KIFC3: variants seen among roughly 807,000 people sequenced by gnomAD.
KIFC3 encodes kinesin family member C3, also known as kinesin-like protein KIFC3.
KIFC3 carries 60 observed loss-of-function variants against 101.8 expected under a neutral mutation model. The ratio of observed to expected loss-of-function variants is 0.59; its 90% CI spans 0.48 to 0.73. The LOEUF (loss-of-function observed/expected upper bound fraction) is 0.73, where lower values mean the gene tolerates loss of function less well. Ranked by LOEUF, KIFC3 falls within the 30% of genes least tolerant of loss-of-function variation. KIFC3 has a pLI of 0.00. For synonymous variants in KIFC3, 476 were observed against 482.7 expected (o/e 0.99, Z 0.18); for missense variants, 966 against 1,137.1 (o/e 0.85, Z 2.16).
chr16:57,816,167 G>A (rs945535585), intron 1 of KIFC3: 3 of 1,247,052 alleles, frequency 2.4e-6, no homozygotes, highest in African/African-American at 3.1e-5. Flanking sequence ...GAAAGGGGAG[G>A]GTGCTCCCAC....
upstream of KIFC3, among the ~76,000 whole-genome samples, chr16:57,806,733 G>A (rs976478240): frequency 1.3e-5 from 2 of 152,212 alleles, no homozygotes; most frequent in African/African-American, 4.8e-5. Flanking sequence ...GGTCAGGAAG[G>A]AGTGCCCTGC....
chr16:57,847,251 GAAGGAAGGAAGGA>G lies in KIFC3; in HGVS notation c.108+15465_108+15477del, dbSNP rs1567339346. Among the ~76,000 whole-genome samples, 15 of 104,116 alleles carry G rather than the reference GAAGGAAGGAAGGA, an allele frequency of 1.4e-4. No homozygotes were observed. In the South Asian group the frequency reaches 4.7e-3, roughly 33 times the overall value. 68.3% of individuals were successfully genotyped at this position (104,116 alleles called of 152,430 possible). A position where few individuals can be genotyped will look rare whatever the true frequency, so the allele number is the denominator to read the frequency against. On this transcript the variant is annotated intron_variant, in intron 1 of 2. Coordinates refer to the KIFC3 transcript ENST00000563028. Reference sequence around the variant, plus strand: ...GGAAGGAAGGAAGGAAGGAAGGAAGGAAGGAAGGAAGGAAGGAAGGGAAGGGAGGGAGGGAGAG... The same window carrying G: ...GGAAGGAAGGAAGGAAGGAAGGAAGGAGGAAGGGAAGGGAGGGAGGGAGAG...
At chr16:57,853,161 G>A (rs1421411274) in intron 1 of KIFC3, among the ~76,000 whole-genome samples, 1 of 152,168 alleles carries the variant, frequency 6.6e-6, no homozygotes, top group Non-Finnish European at 1.5e-5. Context: ...GCTCACTCCT[G>A]TAATCCCAGC....
At chr16:57,803,455 G>A, upstream of KIFC3, 1 of 470,876 alleles carries the variant, frequency 2.1e-6, no homozygotes, top group South Asian at 1.6e-5. Flanking sequence ...CGGTTCTGCA[G>A]ATAATCCCAG....
chr16:57,787,164 G>A (rs2053423170), intron 3 of KIFC3, among the ~76,000 whole-genome samples: 1 of 152,266 alleles, frequency 6.6e-6, no homozygotes, highest in Non-Finnish European at 1.5e-5. Flanking sequence ...GTGGCCCTCA[G>A]CCCTTTGCAG....
At chr16:57,766,801 G>T in intron 10 of KIFC3, 73 bp downstream of exon 10, 1 of 972,350 alleles carries the variant, frequency 1.0e-6, no homozygotes, top group Non-Finnish European at 1.6e-6. Flanking sequence ...GGTGGGGTGA[G>T]CTCCAAGCAT....
At chr16:57,848,350 T>C (rs928297166) in intron 1 of KIFC3, among the ~76,000 whole-genome samples, 2 of 152,178 alleles carry the variant, frequency 1.3e-5, no homozygotes, top group Admixed American at 6.5e-5. Flanking sequence ...GATGCCAGCA[T>C]GGAGGCCCCG....
intron 1 of KIFC3, among the ~76,000 whole-genome samples, chr16:57,819,707 C>T (rs1406873945): frequency 6.6e-6 from 1 of 151,894 alleles, no homozygotes; most frequent in African/African-American, 2.4e-5. Flanking sequence ...ATTGCAGGCA[C>T]CTGCCACTGC....
chr16:57,760,226 G>T, intron 17 of KIFC3, 56 bp downstream of exon 17: 2 of 1,567,368 alleles, frequency 1.3e-6, no homozygotes, highest in South Asian at 2.3e-5. Context: ...CTCCTGCCAT[G>T]ACCCAAAGTC....
intron 1 of KIFC3, among the ~76,000 whole-genome samples, chr16:57,826,097 G>A (rs1350438809): frequency 6.6e-6 from 1 of 152,240 alleles, no homozygotes; most frequent in Non-Finnish European, 1.5e-5. Flanking sequence ...CCTCCTCTGA[G>A]GGAATCATTG....
In KIFC3 at chr16:57,764,267, GAGGCTGGT is replaced by G; in HGVS notation, c.1513-28_1513-21del. ...GAACACCTGGGAGGGTGGTGGGAGG[GAGGCTGGT>G]GGGGGGGCTTCCAGGGCCGCTGGGA... On this transcript the variant is annotated intron_variant, in intron 11 of 19. Transcript: ENST00000445690. 8 of 1,073,296 alleles carry G rather than the reference GAGGCTGGT, an allele frequency of 7.5e-6. No individual in the cohort carries two copies. Among genetic ancestry groups the G allele is most frequent in the Non-Finnish European group, 9.7e-6 (7 of 724,658 alleles). The allele number at this position is 1,073,296 out of a possible 1,614,324, so 66.5% of individuals were successfully genotyped here. A position where few individuals can be genotyped will look rare whatever the true frequency, so the allele number is the denominator to read the frequency against.
intron 1 of KIFC3, among the ~76,000 whole-genome samples, chr16:57,836,867 AT>A (rs1364744870): frequency 1.3e-5 from 2 of 151,898 alleles, no homozygotes; most frequent in East Asian, 1.9e-4. Flanking sequence ...AATTTTTAAA[AT>A]TTTTTTGTAG....
At chr16:57,820,414 A>G (rs568144075) in intron 1 of KIFC3, among the ~76,000 whole-genome samples, 2 of 152,112 alleles carry the variant, frequency 1.3e-5, no homozygotes, top group Non-Finnish European at 2.9e-5. Context: ...AGCTGGGGCT[A>G]TAGGTGCACG....
chr16:57,848,469 A>G (rs2055983675), intron 1 of KIFC3, among the ~76,000 whole-genome samples: 1 of 152,150 alleles, frequency 6.6e-6, no homozygotes, highest in African/African-American at 2.4e-5. Context: ...TCTACAAAAA[A>G]TTCTAAAAAT....
At chr16:57,774,742 G>T in intron 3 of KIFC3, 1 of 565,152 alleles carries the variant, frequency 1.8e-6, no homozygotes, top group Non-Finnish European at 2.8e-6. Flanking sequence ...GCCCAAGCTG[G>T]CCTTGAATTC....
chr16:57,785,604 T>TGGG, intron 3 of KIFC3: 1 of 1,281,516 alleles, frequency 7.8e-7, no homozygotes, highest in Non-Finnish European at 1.0e-6. Flanking sequence ...CTAAGCACCA[T>TGGG]GGGGGCCGCA....
At chr16:57,847,053 C>G (rs1235891448) in intron 1 of KIFC3, among the ~76,000 whole-genome samples, 1 of 151,620 alleles carries the variant, frequency 6.6e-6, no homozygotes, top group Non-Finnish European at 1.5e-5. Context: ...CGTGTGCTGG[C>G]GAACACCTGT....
chr16:57,760,203 G>T, intron 17 of KIFC3, 79 bp downstream of exon 17: 3 of 1,516,352 alleles, frequency 2.0e-6, no homozygotes, highest in Non-Finnish European at 2.7e-6. Flanking sequence ...GGACGTCCCC[G>T]CCCAGCTCCC....
At chr16:57,764,038 C>CA in intron 12 of KIFC3, 105 bp downstream of exon 12, 1 of 818,846 alleles carries the variant, frequency 1.2e-6, no homozygotes, top group African/African-American at 1.7e-5. Context: ...TTGTGAGGAC[C>CA]AAATGAGGCA....
Sources: allele counts gnomAD v4.1 joint callset (sites outside exome capture counted in the v4.1 genomes callset), GRCh38; gene constraint gnomAD v4.1.1; transcripts MANE v1.5; gene names NCBI Gene and HGNC (gene_info 2026-07-23, HGNC 2026-07-21).